CREB5: variants seen among roughly 807,000 people sequenced by gnomAD.
CREB5 encodes cyclic AMP-responsive element-binding protein 5.
In CREB5, 19 loss-of-function variants were observed where a neutral mutation model predicts 57.1. The observed-to-expected ratio is 0.33, with a 90% CI of 0.23 to 0.49. The LOEUF is 0.49. Among genes scored for constraint, CREB5 ranks in the 20% least tolerant of loss-of-function variants. CREB5 has a pLI of 0.99. For missense variants in CREB5, 579 were observed against 671.6 expected (o/e 0.86, Z 1.52); for synonymous variants, 238 against 238.3 (o/e 1.00, Z 0.01).
intron 1 of CREB5, among the ~76,000 whole-genome samples, chr7:28,468,153 A>G (rs1216053487): frequency 1.3e-5 from 2 of 152,198 alleles, no homozygotes; most frequent in African/African-American, 4.8e-5. Context: ...GCTGTGGCAG[A>G]CAAGCCGTGG....
intron 1 of CREB5, among the ~76,000 whole-genome samples, chr7:28,481,529 T>A (rs554376507): frequency 6.6e-6 from 1 of 152,166 alleles, no homozygotes; most frequent in Non-Finnish European, 1.5e-5. Context: ...CCTGTGTAAA[T>A]CTCTGGTTTG....
rs1423977534 is a variant in CREB5, at chr7:28,642,995, C to CAT, written c.464+72459_464+72460insTA. 6.7e-3 allele frequency among the ~76,000 whole-genome samples: 620 copies of CAT among 91,854 alleles called. 1 individual carries two copies. Among genetic ancestry groups the CAT allele is most frequent in the Non-Finnish European group, 0.011 (496 of 43,238 alleles). 60.3% of individuals were successfully genotyped at this position (91,854 alleles called of 152,430 possible). A position where few individuals can be genotyped will look rare whatever the true frequency, so the allele number is the denominator to read the frequency against. On this transcript the variant is annotated intron_variant, in intron 5 of 10. Transcript: ENST00000357727. Reference sequence around the variant, plus strand: ...ACACACACACACACACATACACACACACACACACACACACACACACACACA... The same window carrying CAT: ...ACACACACACACACACATACACACACATACACACACACACACACACACACACA...
intron 1 of CREB5, among the ~76,000 whole-genome samples, chr7:28,340,727 T>C (rs966522531): frequency 3.0e-4 from 45 of 152,308 alleles, no homozygotes; most frequent in African/African-American, 1.0e-3. Context: ...GCAGTCCTTG[T>C]AGCCTAGATT....
At chr7:28,397,397 G>A (rs150398651) in intron 1 of CREB5, among the ~76,000 whole-genome samples, 8 of 152,248 alleles carry the variant, frequency 5.3e-5, no homozygotes, top group Non-Finnish European at 7.3e-5. Context: ...ATAAGGAGAC[G>A]TAAGGATCCC....
intron 3 of CREB5, among the ~76,000 whole-genome samples, chr7:28,498,934 A>G (rs1365053062): frequency 2.0e-5 from 3 of 152,206 alleles, no homozygotes; most frequent in African/African-American, 7.2e-5. Context: ...TTGAGTGCCA[A>G]GTTTGAAGTG....
chr7:28,337,266 G>A (rs1304139544), intron 1 of CREB5, among the ~76,000 whole-genome samples: 2 of 151,972 alleles, frequency 1.3e-5, no homozygotes, highest in African/African-American at 4.8e-5. Flanking sequence ...CTATCTGGAT[G>A]ATCTATCTAA....
chr7:28,518,068 G>A (rs1163675265), intron 4 of CREB5, among the ~76,000 whole-genome samples: 1 of 152,176 alleles, frequency 6.6e-6, no homozygotes, highest in Non-Finnish European at 1.5e-5. Context: ...GAGGGTGGGG[G>A]AGCAGCTTGC....
chr7:28,794,447 T>C (rs1392991898), intron 7 of CREB5, among the ~76,000 whole-genome samples: 1 of 152,162 alleles, frequency 6.6e-6, no homozygotes. Flanking sequence ...CAACAAATAT[T>C]TATTCTACTT....
At chr7:28,506,767 C>T (rs1470338003) in intron 3 of CREB5, among the ~76,000 whole-genome samples, 1 of 152,212 alleles carries the variant, frequency 6.6e-6, no homozygotes, top group Admixed American at 6.5e-5. Flanking sequence ...TGCAATTCTA[C>T]TCTACTTACC....
intron 5 of CREB5, among the ~76,000 whole-genome samples, chr7:28,715,501 C>T (rs1343872357): frequency 6.6e-6 from 1 of 152,138 alleles, no homozygotes; most frequent in African/African-American, 2.4e-5. Context: ...ATTCTAGTTT[C>T]AATATACATG....
intron 5 of CREB5, among the ~76,000 whole-genome samples, chr7:28,594,354 C>G (rs1796625558): frequency 6.6e-6 from 1 of 152,176 alleles, no homozygotes; most frequent in Non-Finnish European, 1.5e-5. Flanking sequence ...GTCTGTTCAA[C>G]TTAAAGGTAA....
At chr7:28,557,545 A>G (rs1794926863) in intron 4 of CREB5, among the ~76,000 whole-genome samples, 1 of 152,206 alleles carries the variant, frequency 6.6e-6, no homozygotes, top group Non-Finnish European at 1.5e-5. Flanking sequence ...TTGGACCAGA[A>G]TAAGTGAGGG....
intron 1 of CREB5, among the ~76,000 whole-genome samples, chr7:28,481,822 G>A (rs866629435): frequency 6.6e-6 from 1 of 152,026 alleles, no homozygotes; most frequent in Non-Finnish European, 1.5e-5. Flanking sequence ...AGGAGAGAAA[G>A]GCACACATGG....
intron 5 of CREB5, among the ~76,000 whole-genome samples, chr7:28,622,309 A>C (rs1583434192): frequency 6.6e-6 from 1 of 151,174 alleles, no homozygotes; most frequent in Non-Finnish European, 1.5e-5. Context: ...CACACCCTTC[A>C]ATCATATATC....
At chr7:28,652,281 A>G (rs942216515) in intron 5 of CREB5, among the ~76,000 whole-genome samples, 6 of 152,154 alleles carry the variant, frequency 3.9e-5, no homozygotes, top group Admixed American at 2.0e-4. Context: ...TAATGTCATA[A>G]TTTCACTCCT....
chr7:28,638,933 C>A (rs1798537361), intron 5 of CREB5, among the ~76,000 whole-genome samples: 1 of 152,136 alleles, frequency 6.6e-6, no homozygotes, highest in African/African-American at 2.4e-5. Context: ...ATATTCATTT[C>A]TTACCCTGCT....
At chr7:28,698,573 T>C (rs1801691425) in intron 5 of CREB5, among the ~76,000 whole-genome samples, 1 of 152,228 alleles carries the variant, frequency 6.6e-6, no homozygotes, top group Non-Finnish European at 1.5e-5. Context: ...TGCATGGTTA[T>C]TCTAGACATT....
At chr7:28,398,014 A>C (rs1296962207) in intron 1 of CREB5, among the ~76,000 whole-genome samples, 1 of 152,222 alleles carries the variant, frequency 6.6e-6, no homozygotes, top group Non-Finnish European at 1.5e-5. Flanking sequence ...TACATTTATA[A>C]TGTTAGATAA....
intron 5 of CREB5, among the ~76,000 whole-genome samples, chr7:28,645,239 T>C (rs756986000): frequency 3.9e-5 from 6 of 152,228 alleles, no homozygotes; most frequent in Non-Finnish European, 7.3e-5. Flanking sequence ...CTTTATATGA[T>C]AATTACTATG....
Sources: gnomAD v4.1 joint callset for allele counts (sites outside exome capture counted in the v4.1 genomes callset) on GRCh38, gnomAD v4.1.1 for gene constraint, MANE v1.5 for transcripts, NCBI Gene and HGNC (gene_info 2026-07-23, HGNC 2026-07-21) for gene names.